CDC42: variants seen among roughly 807,000 people sequenced by gnomAD.
The protein encoded by CDC42 is cell division cycle 42, also known as cell division control protein 42 homolog.
Under a neutral mutation model 20.8 loss-of-function variants are expected in CDC42, and 1 was observed. The observed-to-expected ratio is 0.05, with a 90% confidence interval of 0.02 to 0.23. CDC42 has a LOEUF of 0.23. Ranked by LOEUF, CDC42 falls within the 10% of genes least tolerant of loss-of-function variation. The pLI, the probability that CDC42 is intolerant of heterozygous loss-of-function variation, is 1.00. For missense variants in CDC42, 49 were observed against 227.9 expected (o/e 0.21, Z 5.05); for synonymous variants, 72 against 84.8 (o/e 0.85, Z 0.83).
At chr1:22,069,194 T>TG (rs1645455761) in intron 1 of CDC42, among the ~76,000 whole-genome samples, 1 of 67,740 alleles carries the variant, frequency 1.5e-5, no homozygotes, top group Non-Finnish European at 2.9e-5. Context: ...TTTTTTTTTT[T>TG]GAGACAGAAT....
At chr1:22,067,436 G>T (rs1260218480) in intron 1 of CDC42, among the ~76,000 whole-genome samples, 1 of 152,018 alleles carries the variant, frequency 6.6e-6, no homozygotes, top group African/African-American at 2.4e-5. Context: ...GGTGCTCTCA[G>T]CTCACTGCAA....
chr1:22,058,485 G>GTTTT (rs5772984), intron 1 of CDC42, among the ~76,000 whole-genome samples: 1 of 146,176 alleles, frequency 6.8e-6, no homozygotes. Context: ...GTTATTTAAA[G>GTTTT]TTTTTTTTTT....
chr1:22,089,208 T>A (rs553506650), intron 5 of CDC42, among the ~76,000 whole-genome samples: 9 of 152,368 alleles, frequency 5.9e-5, no homozygotes, highest in African/African-American at 2.2e-4. Flanking sequence ...TGAGTCACAC[T>A]GTCATGTTGG....
chr1:22,090,479 T>TA (rs1238906397), intron 5 of CDC42: 1 of 988,570 alleles, frequency 1.0e-6, no homozygotes, highest in African/African-American at 1.7e-5. Flanking sequence ...TAGTAGAGTG[T>TA]AATGGGGAAG....
intron 1 of CDC42, among the ~76,000 whole-genome samples, chr1:22,060,897 A>T (rs1441543306): frequency 1.3e-5 from 2 of 152,224 alleles, no homozygotes; most frequent in African/African-American, 4.8e-5. Context: ...ACTTGAAAGG[A>T]TAGTTCTATG....
chr1:22,082,309 A>G (rs1645615792), intron 3 of CDC42, among the ~76,000 whole-genome samples: 1 of 152,210 alleles, frequency 6.6e-6, no homozygotes, highest in Admixed American at 6.5e-5. Flanking sequence ...GTCTAATAAC[A>G]TGTTTAGTTT....
chr1:22,058,267 C>G (rs558083822), intron 1 of CDC42, among the ~76,000 whole-genome samples: 1 of 152,248 alleles, frequency 6.6e-6, no homozygotes, highest in South Asian at 2.1e-4. Flanking sequence ...AGTGATGTCT[C>G]AAATTTCGGA....
chr1:22,097,416 A>G lies in CDC42; in HGVS notation c.*5899A>G, dbSNP rs1040345364. 1.3e-5 allele frequency among the ~76,000 whole-genome samples: 2 copies of G among 151,922 alleles called. No individual in the cohort carries two copies. The highest frequency in any genetic ancestry group is 4.8e-5 in the African/African-American group (2 of 41,344). On this transcript the variant is annotated 3_prime_UTR_variant, in exon 6 of 6. Transcript: ENST00000656825. ...GCCACCGTGCCTGGCTAATTTTTGT[A>G]TTTTTAGTAGAGATGGGGTTTCACC...
chr1:22,062,961 T>G (rs1645383200), intron 1 of CDC42, among the ~76,000 whole-genome samples: 1 of 152,096 alleles, frequency 6.6e-6, no homozygotes, highest in African/African-American at 2.4e-5. Context: ...CTTAGCTGAC[T>G]TCCTTGACTA....
chr1:22,081,691 C>G, intron 2 of CDC42, 31 bp from the exon 3 acceptor site: 1 of 1,405,146 alleles, frequency 7.1e-7, no homozygotes, highest in Non-Finnish European at 1.0e-6. Flanking sequence ...TCTCCTTGCA[C>G]ACTAACAGTG....
chr1:22,063,393 T>G (rs1645387305), intron 1 of CDC42, among the ~76,000 whole-genome samples: 1 of 152,168 alleles, frequency 6.6e-6, no homozygotes, highest in Non-Finnish European at 1.5e-5. Context: ...TTGAAATGTG[T>G]TAAAGGCCTT....
At chr1:22,071,046 C>CCT (rs1553194531) in intron 1 of CDC42, among the ~76,000 whole-genome samples, 1 of 125,312 alleles carries the variant, frequency 8.0e-6, no homozygotes, top group African/African-American at 3.0e-5. Flanking sequence ...TTTTTTCTTT[C>CCT]TTTTTTTTTT....
chr1:22,083,537 G>A (rs1325428259), intron 3 of CDC42, among the ~76,000 whole-genome samples: 9 of 151,882 alleles, frequency 5.9e-5, no homozygotes, highest in East Asian at 1.9e-4. Context: ...CCCAGGGGGC[G>A]GAGGTTGCAG....
rs1205621275 is a variant in CDC42 at position 22,081,718 on chromosome 1, T to C, written c.106-4T>C. 1.9e-6 allele frequency: 3 copies of C among 1,606,690 alleles called. No homozygotes were observed. The African/African-American group carries it at 4.0e-5, about 21-fold the overall frequency. On this transcript the variant is annotated splice_polypyrimidine_tract_variant and splice_region_variant and intron_variant, in intron 2 of 5. Transcript: ENST00000656825. ...CTAACAGTGTTGTATTTTTTTGTTT[T>C]TAGGTTTTTGACAACTATGCAGTCA... is the stretch of plus-strand genomic sequence containing the variant.
chr1:22,075,317 G>A (rs1355246412), intron 1 of CDC42, among the ~76,000 whole-genome samples: 1 of 152,148 alleles, frequency 6.6e-6, no homozygotes, highest in African/African-American at 2.4e-5. Flanking sequence ...CTTTGTAATG[G>A]TAACTCTACA....
At chr1:22,056,831 G>A (rs753461907) in intron 1 of CDC42, among the ~76,000 whole-genome samples, 2 of 152,226 alleles carry the variant, frequency 1.3e-5, no homozygotes, top group Admixed American at 6.5e-5. Context: ...TTCTAATAGA[G>A]CAGAAAACTA....
At chr1:22,084,302 T>C (rs1038554479) in intron 3 of CDC42, among the ~76,000 whole-genome samples, 7 of 151,028 alleles carry the variant, frequency 4.6e-5, no homozygotes, top group East Asian at 1.9e-4. Flanking sequence ...GGGTTTGATA[T>C]AGTCACATTC....
intron 2 of CDC42, among the ~76,000 whole-genome samples, chr1:22,079,168 T>C (rs991343922): frequency 6.8e-6 from 1 of 146,512 alleles, no homozygotes. Flanking sequence ...AGATGGAGTC[T>C]CTATCGTCCA....
intron 3 of CDC42, among the ~76,000 whole-genome samples, chr1:22,085,318 A>G (rs903063822): frequency 1.3e-5 from 2 of 151,914 alleles, no homozygotes; most frequent in East Asian, 3.9e-4. Context: ...TGTCTTATAT[A>G]TCTCCCTATG....
Sources: allele counts gnomAD v4.1 joint callset (sites outside exome capture counted in the v4.1 genomes callset), GRCh38; gene constraint gnomAD v4.1.1; transcripts MANE v1.5; gene names NCBI Gene and HGNC (gene_info 2026-07-23, HGNC 2026-07-21).